The following ARHGAP29 variants were observed in gnomAD, a reference collection of about 807,000 sequenced individuals.
ARHGAP29 encodes Rho GTPase activating protein 29.
Under a neutral mutation model 122.6 loss-of-function variants are expected in ARHGAP29, and 43 were observed. The observed-to-expected ratio is 0.35, with a 90% CI of 0.27 to 0.45. The LOEUF (loss-of-function observed/expected upper bound fraction) is 0.45. ARHGAP29 is among the 20% of genes least tolerant of loss of function. ARHGAP29 has a pLI of 1.00. For synonymous variants in ARHGAP29, 506 were observed against 497.1 expected (o/e 1.02, Z -0.24); for missense variants, 1,303 against 1,477.2 (o/e 0.88, Z 1.93).
the ARHGAP29 span, among the ~76,000 whole-genome samples, chr1:94,300,104 G>A: frequency 5.3e-4 from 80 of 152,284 alleles, no homozygotes; most frequent in African/African-American, 1.9e-3. Context: ...GTCTGAAGGC[G>A]GGCCCACCTG....
chr1:94,173,265 T>G lies in ARHGAP29; in HGVS notation c.*604A>C, dbSNP rs1030168203. On this transcript the variant is annotated 3_prime_UTR_variant, in exon 23 of 23. Coordinates refer to ENST00000260526, the MANE Select transcript of ARHGAP29 (RefSeq NM_004815.4). The stretch of plus-strand genomic sequence containing the variant: ...TGTAAAAACTGGCAATTAATTAAAA[T>G]GCAATTAAATACAGATTTGCAAGCC... The G allele has an allele frequency of 6.6e-6, 1 of 152,624 alleles. No individual in the cohort carries two copies. Among genetic ancestry groups the G allele is most frequent in the African/African-American group, 2.4e-5 (1 of 41,462 alleles). 9.5% of individuals were successfully genotyped at this position (152,624 alleles called of 1,614,324 possible).
At chr1:94,188,611 G>A (rs1463766586) in intron 15 of ARHGAP29, among the ~76,000 whole-genome samples, 1 of 152,100 alleles carries the variant, frequency 6.6e-6, no homozygotes, top group Admixed American at 6.6e-5. Flanking sequence ...ATAGGGCAAT[G>A]TTACCAAGGA....
At chr1:94,267,789 G>T (rs1654828278) in intron 1 of ARHGAP29, among the ~76,000 whole-genome samples, 1 of 151,624 alleles carries the variant, frequency 6.6e-6, no homozygotes, top group Non-Finnish European at 1.5e-5. Flanking sequence ...CATTACTTGA[G>T]ATCACTATAT....
At chr1:94,263,236 C>T (rs1557894151) in intron 1 of ARHGAP29, among the ~76,000 whole-genome samples, 1 of 151,692 alleles carries the variant, frequency 6.6e-6, no homozygotes, top group African/African-American at 2.4e-5. Flanking sequence ...GACACAGGAG[C>T]CTATTGGAGG....
intron 2 of ARHGAP29, among the ~76,000 whole-genome samples, chr1:94,231,128 C>T (rs529900931): frequency 1.3e-5 from 2 of 152,126 alleles, no homozygotes; most frequent in African/African-American, 4.8e-5. Context: ...CCAATGATGT[C>T]AAATTTTCCT....
Position 94,173,795 on chromosome 1 carries a change from C to T in ARHGAP29, c.*74G>A, listed in dbSNP as rs1039946022. On this transcript the variant is annotated 3_prime_UTR_variant, in exon 23 of 23. Transcript: ENST00000260526. ...CTATACAAAAGAGGCCCTGTCAAAA[C>T]ATTCTTTCACAAAACAAGCACAATA... 18 of 1,508,760 alleles carry T rather than the reference C, an allele frequency of 1.2e-5. No individual in the cohort carries two copies. The highest frequency in any genetic ancestry group is 1.8e-4 in the Middle Eastern group (1 of 5,608). The allele number at this position is 1,508,760 out of a possible 1,614,324, so 93.5% of individuals were successfully genotyped here. A position where few individuals can be genotyped will look rare whatever the true frequency, so the allele number is the denominator to read the frequency against.
intron 5 of ARHGAP29, among the ~76,000 whole-genome samples, chr1:94,207,840 TTTTG>T (rs1651306888): frequency 6.6e-6 from 1 of 152,102 alleles, no homozygotes; most frequent in South Asian, 2.1e-4. Context: ...TGATTTTTTT[TTTTG>T]TTTTTGTTTC....
intron 7 of ARHGAP29, among the ~76,000 whole-genome samples, chr1:94,204,592 T>C (rs927621617): frequency 1.3e-5 from 2 of 152,248 alleles, no homozygotes; most frequent in Admixed American, 6.5e-5. Context: ...CTCTCAGCTG[T>C]AATATAGGAA....
intron 2 of ARHGAP29, among the ~76,000 whole-genome samples, chr1:94,221,959 A>G (rs1652319968): frequency 6.8e-6 from 1 of 148,040 alleles, no homozygotes; most frequent in Non-Finnish European, 1.5e-5. Flanking sequence ...AATGCCAGAA[A>G]GGAAGGAAGA....
At chr1:94,200,044 C>G (rs1370713187) in intron 12 of ARHGAP29, among the ~76,000 whole-genome samples, 1 of 152,106 alleles carries the variant, frequency 6.6e-6, no homozygotes, top group Non-Finnish European at 1.5e-5. Flanking sequence ...TAGTAGAAAT[C>G]ACAGGATGAA....
chr1:94,245,483 C>A (rs1186725638), intron 1 of ARHGAP29, among the ~76,000 whole-genome samples: 1 of 152,168 alleles, frequency 6.6e-6, no homozygotes, highest in Non-Finnish European at 1.5e-5. Context: ...CACTGTATAT[C>A]TTTGGTATGA....
intron 7 of ARHGAP29, 150 bp from the exon 8 acceptor site, chr1:94,204,144 C>CT (rs371499898): frequency 0.059 from 22,435 of 379,356 alleles, no homozygotes; most frequent in East Asian, 0.077. Flanking sequence ...TTCTTTCTTC[C>CT]TTTTTTTTTT....
At chr1:94,252,196 A>G (rs1179812873) in intron 1 of ARHGAP29, among the ~76,000 whole-genome samples, 2 of 152,184 alleles carry the variant, frequency 1.3e-5, no homozygotes, top group Non-Finnish European at 2.9e-5. Flanking sequence ...ACATATGACA[A>G]GTTTCATGAC....
intron 1 of ARHGAP29, among the ~76,000 whole-genome samples, chr1:94,260,326 C>G (rs1212185739): frequency 6.6e-6 from 1 of 152,124 alleles, no homozygotes; most frequent in Non-Finnish European, 1.5e-5. Context: ...TTTCTCTTAC[C>G]CCCAGAGGGG....
chr1:94,207,375 C>T (rs192082149), intron 5 of ARHGAP29, among the ~76,000 whole-genome samples: 11 of 152,008 alleles, frequency 7.2e-5, no homozygotes, highest in Non-Finnish European at 1.6e-4. Flanking sequence ...TATATCATCA[C>T]AGCTTTTTTA....
At chr1:94,290,853 A>C in the ARHGAP29 span, among the ~76,000 whole-genome samples, 1 of 152,186 alleles carries the variant, frequency 6.6e-6, no homozygotes, top group African/African-American at 2.4e-5. Context: ...TTATGTGGTC[A>C]ATTTTAGAAT....
In ARHGAP29 at chr1:94,205,669, A is replaced by G. The variant is rs200848132; in HGVS notation, c.525T>C (p.Val175=). 108 of 1,612,658 alleles carry G rather than the reference A, an allele frequency of 6.7e-5. No homozygotes were observed. In the East Asian group the frequency reaches 2.0e-3, roughly 30 times the overall value. Residue 175 remains valine (V), a synonymous_variant, in exon 6 of 23, where the codon GTT becomes GTC. Coordinates refer to ENST00000260526, the MANE Select transcript of ARHGAP29 (RefSeq NM_004815.4). ...TGGATGAGTCCACTGATTCCACAGA[A>G]ACATTTTCAAACGACTTACAACATG... ...VSRETKSFEN[V]SVESVDSSSE...
chr1:94,287,653 CT>C, the ARHGAP29 span, among the ~76,000 whole-genome samples: 1 of 152,030 alleles, frequency 6.6e-6, no homozygotes, highest in Non-Finnish European at 1.5e-5. Flanking sequence ...TCCCCCCCAG[CT>C]CCCCACCCCA....
Position 94,189,315 on chromosome 1 carries a change from C to T in ARHGAP29, c.1477G>A (p.Gly493Arg), listed in dbSNP as rs1377380413. 3.7e-6 allele frequency: 6 copies of T among 1,612,440 alleles called. No homozygotes were observed. Among genetic ancestry groups the T allele is most frequent in the Non-Finnish European group, 5.1e-6 (6 of 1,179,260 alleles). The change falls in exon 14 of 23, where the codon GGA becomes AGA. Residue 493 changes from glycine (G) to arginine (R), a missense_variant. This residue lies in a region of ARHGAP29 where 592 missense variants were observed against 648.2 expected (regional missense o/e 0.91). Transcript: ENST00000260526. ...NKHLNSSQPS[G>R]FGPANSLEDV... ...TCTAAAGAGTTGGCAGGTCCAAATC[C>T]TGAAGGTTGGGAACTATTTAAATGT...
Sources: gnomAD v4.1 joint callset for allele counts (sites outside exome capture counted in the v4.1 genomes callset) on GRCh38, gnomAD v4.1.1 for gene constraint, gnomAD v4.1.1 regional missense constraint, MANE v1.5 for transcripts, NCBI Gene and HGNC (gene_info 2026-07-23, HGNC 2026-07-21) for gene names.